FBXO31: variants seen among roughly 807,000 people sequenced by gnomAD.
FBXO31 encodes F-box only protein 31.
FBXO31 carries 24 observed loss-of-function variants against 54.4 expected under a neutral mutation model. The ratio of observed to expected loss-of-function variants is 0.44; its 90% CI spans 0.32 to 0.62. The LOEUF (loss-of-function observed/expected upper bound fraction) is 0.62. Among genes scored for constraint, FBXO31 ranks in the 20% least tolerant of loss-of-function variants. The pLI is 0.05. For missense variants in FBXO31, 665 were observed against 787.1 expected (o/e 0.84, Z 1.86); for synonymous variants, 388 against 335.6 (o/e 1.16, Z -1.71).
At chr16:87,364,274 C>T (rs1352526297) in intron 1 of FBXO31, among the ~76,000 whole-genome samples, 2 of 152,242 alleles carry the variant, frequency 1.3e-5, no homozygotes, top group Non-Finnish European at 2.9e-5. Context: ...GGAAACGTGT[C>T]ACCAGGACAC....
intron 1 of FBXO31, among the ~76,000 whole-genome samples, chr16:87,365,037 A>ATATATATATATATCTATATC (rs1489132121): frequency 9.4e-6 from 1 of 106,892 alleles, no homozygotes; most frequent in Non-Finnish European, 2.0e-5. Context: ...ATATATATAT[A>ATATATATATATATCTATATC]TATCAGGCAG....
intron 2 of FBXO31, among the ~76,000 whole-genome samples, chr16:87,352,962 A>G (rs925081493): frequency 3.9e-5 from 6 of 152,208 alleles, no homozygotes; most frequent in Non-Finnish European, 8.8e-5. Context: ...GGTGGGCTCC[A>G]TGCTAGGAGA....
chr16:87,387,641 A>G (rs2150704356), upstream of FBXO31, among the ~76,000 whole-genome samples: 1 of 152,326 alleles, frequency 6.6e-6, no homozygotes, highest in East Asian at 1.9e-4. Flanking sequence ...CCCCGTCTCT[A>G]CTAAAAGTAC....
At chr16:87,352,780 C>T (rs1328356271) in intron 2 of FBXO31, among the ~76,000 whole-genome samples, 4 of 152,184 alleles carry the variant, frequency 2.6e-5, no homozygotes, top group African/African-American at 9.7e-5. Flanking sequence ...GCCCTGGGAG[C>T]CCCGGCATAA....
intron 1 of FBXO31, among the ~76,000 whole-genome samples, chr16:87,377,596 T>C (rs1026897947): frequency 6.6e-6 from 1 of 151,850 alleles, no homozygotes; most frequent in Non-Finnish European, 1.5e-5. Flanking sequence ...GAGGCCAAGG[T>C]GGGCAGATCA....
chr16:87,357,297 T>C (rs9931972), intron 2 of FBXO31, among the ~76,000 whole-genome samples: 4,228 of 150,748 alleles, frequency 0.028, 204 homozygotes, highest in African/African-American at 0.099. Flanking sequence ...CTTAGAAAAA[T>C]TTCCAGAGCT....
chr16:87,382,358 T>C (rs1206881657), intron 1 of FBXO31, among the ~76,000 whole-genome samples: 1 of 152,218 alleles, frequency 6.6e-6, no homozygotes, highest in Non-Finnish European at 1.5e-5. Flanking sequence ...TCTGATGGTA[T>C]TTACTTTGTT....
intron 2 of FBXO31, 117 bp from the exon 3 acceptor site, chr16:87,347,367 C>T: frequency 1.2e-6 from 1 of 839,460 alleles, no homozygotes; most frequent in Admixed American, 1.8e-5. Context: ...TGCAAGAGCC[C>T]TCCAAACACA....
chr16:87,388,440 G>A (rs920229400), upstream of FBXO31, among the ~76,000 whole-genome samples: 3 of 152,340 alleles, frequency 2.0e-5, no homozygotes, highest in African/African-American at 7.2e-5. Flanking sequence ...ACACCACGAT[G>A]GATAGGACAC....
intron 2 of FBXO31, among the ~76,000 whole-genome samples, chr16:87,353,416 C>T (rs1905751714): frequency 6.6e-6 from 1 of 152,222 alleles, no homozygotes; most frequent in African/African-American, 2.4e-5. Flanking sequence ...GAATGTGGCC[C>T]TCTGTGGAAG....
At chr16:87,366,204 G>A (rs551250797) in intron 1 of FBXO31, among the ~76,000 whole-genome samples, 32 of 152,294 alleles carry the variant, frequency 2.1e-4, no homozygotes, top group Admixed American at 3.3e-4. Context: ...TGAACCAAGT[G>A]CAGGCGTGGT....
In FBXO31 at chr16:87,335,522, G is replaced by C. The variant is rs1905021511; in HGVS notation, c.843-65C>G. ...GGCAGGCAGGACTGAGAACGCCCAAGGTGCCAGGGATGAGCTTTGCAGGGC... is the reference window on the plus strand; with the variant it reads ...GGCAGGCAGGACTGAGAACGCCCAACGTGCCAGGGATGAGCTTTGCAGGGC... On this transcript the variant is annotated intron_variant, in intron 6 of 8. Transcript: ENST00000311635. This position sits in a 1 kb window ranked among gnomAD's most constrained non-coding sequence, Gnocchi z 5.7. The C allele has an allele frequency of 6.6e-7, 1 of 1,514,664 alleles. No homozygotes were observed. The highest frequency in any genetic ancestry group is 8.9e-7 in the Non-Finnish European group (1 of 1,120,282). 93.8% of individuals were successfully genotyped at this position (1,514,664 alleles called of 1,614,324 possible).
chr16:87,381,600 G>A (rs1275092203), intron 1 of FBXO31, among the ~76,000 whole-genome samples: 3 of 152,226 alleles, frequency 2.0e-5, no homozygotes, highest in African/African-American at 7.2e-5. Context: ...GACGAACTCT[G>A]TCCGGGAGGA....
intron 1 of FBXO31, among the ~76,000 whole-genome samples, chr16:87,382,832 T>C (rs1402346147): frequency 1.3e-5 from 2 of 152,124 alleles, no homozygotes; most frequent in Non-Finnish European, 2.9e-5. Flanking sequence ...GACGGGGTTT[T>C]ACCATCTTCA....
At chr16:87,357,755 AC>A (rs1160485469) in intron 2 of FBXO31, among the ~76,000 whole-genome samples, 1 of 151,436 alleles carries the variant, frequency 6.6e-6, no homozygotes, top group Admixed American at 6.6e-5. Context: ...ACATGATGAA[AC>A]CCCATCTCTA....
rs765571669 is a variant in FBXO31, at chr16:87,347,207, A to C, written c.456T>G (p.Asp152Glu). ...YRHILGLWQP[D>E]IGPYGGLLNV... ...TCAGCAGTCCTCCGTATGGCCCGAT[A>C]TCTGGCTGCCACAATCCCAAAATGT... is the stretch of plus-strand genomic sequence containing the variant. Residue 152 changes from aspartate (D) to glutamate (E), a missense_variant, in exon 3 of 9, where the codon GAT becomes GAG. By Grantham distance (45) the Asp-to-Glu change is conservative. Around this residue, in one of 4 missense-constraint regions of FBXO31, gnomAD observed 234 missense variants for 346.8 expected, o/e 0.67. Coordinates refer to ENST00000311635, the MANE Select transcript of FBXO31 (RefSeq NM_024735.5). The C allele has an allele frequency of 6.2e-7, 1 of 1,614,134 alleles. No homozygotes were observed. Among genetic ancestry groups the C allele is most frequent in the Non-Finnish European group, 8.5e-7 (1 of 1,180,002 alleles).
intron 1 of FBXO31, among the ~76,000 whole-genome samples, chr16:87,370,560 G>A (rs1424843917): frequency 6.6e-6 from 1 of 152,154 alleles, no homozygotes; most frequent in Non-Finnish European, 1.5e-5. Flanking sequence ...CCAGACCCAG[G>A]GGAATAGGAG....
chr16:87,379,638 G>A (rs1343877350), intron 1 of FBXO31, among the ~76,000 whole-genome samples: 1 of 152,084 alleles, frequency 6.6e-6, no homozygotes, highest in Non-Finnish European at 1.5e-5. Context: ...CTGCATACCT[G>A]TGTCTGAGTA....
rs1021026525 is a variant in FBXO31, at chr16:87,346,709, C to G, written c.489+465G>C. On this transcript the variant is annotated intron_variant, in intron 3 of 8. Coordinates refer to ENST00000311635, the MANE Select transcript of FBXO31 (RefSeq NM_024735.5). This position sits in a 1 kb window ranked among gnomAD's most constrained non-coding sequence, Gnocchi z 4.2. ...TCAACAAAGTCAGAGCAGGGCTTTC[C>G]GTTCGAGAGGCTCCAGTAGGAGGGC... Among the ~76,000 whole-genome samples the G allele has an allele frequency of 6.6e-6, 1 of 152,172 alleles. No homozygotes were observed. Among genetic ancestry groups the G allele is most frequent in the Non-Finnish European group, 1.5e-5 (1 of 68,028 alleles).
Sources: gnomAD v4.1 joint callset for allele counts (sites outside exome capture counted in the v4.1 genomes callset) on GRCh38, gnomAD v4.1.1 for gene constraint, gnomAD v4.1.1 regional missense constraint, Gnocchi (gnomAD v3.1) non-coding constraint, MANE v1.5 for transcripts, NCBI Gene and HGNC (gene_info 2026-07-23, HGNC 2026-07-21) for gene names.